The following HIVEP3 variants were observed in gnomAD, a reference collection of about 807,000 sequenced individuals.
The protein encoded by HIVEP3 is transcription factor HIVEP3.
In HIVEP3, 49 loss-of-function variants were observed where a neutral mutation model predicts 152.8. The observed-to-expected ratio is 0.32, with a 90% CI of 0.26 to 0.41. HIVEP3 has a LOEUF of 0.41. HIVEP3 is among the 10% of genes least tolerant of loss of function. The probability of loss-of-function intolerance (pLI) is 1.00; values close to 1 mark genes in which losing one functional copy is unlikely to be tolerated. For missense variants in HIVEP3, 2,790 were observed against 3,103.3 expected (o/e 0.90, Z 2.40); for synonymous variants, 1,269 against 1,289.0 (o/e 0.98, Z 0.33).
chr1:41,999,570 T>A (rs988666742), intron 1 of HIVEP3, among the ~76,000 whole-genome samples: 3 of 152,052 alleles, frequency 2.0e-5, no homozygotes, highest in Non-Finnish European at 2.9e-5. Flanking sequence ...CAATTGAGTA[T>A]AACACACTAC....
intron 5 of HIVEP3, among the ~76,000 whole-genome samples, chr1:41,540,820 A>C (rs1643511979): frequency 6.6e-6 from 1 of 152,162 alleles, no homozygotes; most frequent in Non-Finnish European, 1.5e-5. Context: ...TGAGCTCCCC[A>C]ACAGGTCTAG....
intron 3 of HIVEP3, among the ~76,000 whole-genome samples, chr1:41,588,956 A>G (rs1026971588): frequency 6.6e-6 from 1 of 152,190 alleles, no homozygotes; most frequent in Non-Finnish European, 1.5e-5. Context: ...GGGAACCTGC[A>G]GGACCTAAGG....
Position 41,612,391 on chromosome 1 carries a change from T to C in HIVEP3, c.-522+16358A>G, listed in dbSNP as rs556168019. Among the ~76,000 whole-genome samples the C allele has an allele frequency of 5.3e-5, 8 of 152,290 alleles. No homozygotes were observed. The South Asian group carries it at 1.7e-3, about 32-fold the overall frequency. The stretch of plus-strand genomic sequence containing the variant: ...CCCCTGTAGCCACTGTCTCATTTAA[T>C]TTCACCCAAGTTCCTCCTTGCAGAC... On this transcript the variant is annotated intron_variant, in intron 3 of 8. Transcript: ENST00000372583.
chr1:41,927,261 A>C (rs894139985), intron 1 of HIVEP3, among the ~76,000 whole-genome samples: 1 of 152,132 alleles, frequency 6.6e-6, no homozygotes, highest in Admixed American at 6.5e-5. Flanking sequence ...CTTGGGAGCC[A>C]CCCAATCCTG....
intron 1 of HIVEP3, among the ~76,000 whole-genome samples, chr1:41,751,258 T>C (rs1379118343): frequency 6.7e-6 from 1 of 150,264 alleles, no homozygotes; most frequent in Non-Finnish European, 1.5e-5. Context: ...CGTGATTAAC[T>C]GGCAGGCTTT....
intron 2 of HIVEP3, among the ~76,000 whole-genome samples, chr1:41,653,012 G>T (rs1645574742): frequency 7.2e-6 from 1 of 139,282 alleles, no homozygotes; most frequent in South Asian, 2.4e-4. Flanking sequence ...TTTTTCTTCT[G>T]AGGATAAAAG....
At chr1:41,537,209 A>G (rs929433029) in intron 5 of HIVEP3, among the ~76,000 whole-genome samples, 25 of 147,702 alleles carry the variant, frequency 1.7e-4, no homozygotes, top group African/African-American at 5.9e-4. Flanking sequence ...TTCTGCATTT[A>G]TATTATGACT....
chr1:41,817,409 G>A lies in HIVEP3; in HGVS notation c.-801+101004C>T, dbSNP rs543863945. On this transcript the variant is annotated intron_variant, in intron 1 of 8. Transcript: ENST00000372583. ...AAAAGGATGGGGCCGGATGGGGCAG[G>A]ACATGGCAGAAAACGGGGTGGAAGT... Among the ~76,000 whole-genome samples, 290 of 152,288 alleles carry A rather than the reference G, an allele frequency of 1.9e-3. 1 individual carries two copies. The highest frequency in any genetic ancestry group is 6.7e-3 in the African/African-American group (278 of 41,556).
intron 2 of HIVEP3, among the ~76,000 whole-genome samples, chr1:41,684,175 C>T (rs1429233899): frequency 2.0e-5 from 3 of 152,174 alleles, no homozygotes; most frequent in Non-Finnish European, 2.9e-5. Context: ...ACCCAGGTCT[C>T]CTCACTGTCT....
chr1:41,619,613 T>A (rs1645017898), intron 3 of HIVEP3, among the ~76,000 whole-genome samples: 1 of 152,078 alleles, frequency 6.6e-6, no homozygotes, highest in African/African-American at 2.4e-5. Flanking sequence ...TGGATGAGGA[T>A]GGTGATGGTG....
At chr1:41,620,225 C>T (rs969330934) in intron 3 of HIVEP3, among the ~76,000 whole-genome samples, 1 of 152,194 alleles carries the variant, frequency 6.6e-6, no homozygotes, top group Non-Finnish European at 1.5e-5. Flanking sequence ...AGTTTCCACT[C>T]GCTTTCCCAC....
chr1:41,696,314 G>A (rs1167755147), intron 2 of HIVEP3, among the ~76,000 whole-genome samples: 3 of 152,254 alleles, frequency 2.0e-5, no homozygotes, highest in Admixed American at 1.3e-4. Context: ...ACCTGCCCAC[G>A]GGGCGCAGCC....
rs531261702 is a variant in HIVEP3, at chr1:41,511,011, A to C, written c.6661T>G (p.Trp2221Gly). The change falls in exon 9 of 9, where the codon TGG becomes GGG. Residue 2221 changes from tryptophan (W) to glycine (G), a missense_variant. Transcript: ENST00000372583. The surrounding 1 kb of genome is among the most constrained non-coding windows in gnomAD (Gnocchi z 4.9). ...PTLLPGPTAA[W>G]VSGFSGGGSD... ...CCACCCCCGGAGAAGCCACTGACCCAGGCTGCGGTGGGCCCTGGCAGCAGG... is the reference window on the plus strand; with the variant it reads ...CCACCCCCGGAGAAGCCACTGACCCCGGCTGCGGTGGGCCCTGGCAGCAGG... 1.2e-6 allele frequency: 2 copies of C among 1,613,472 alleles called. No homozygotes were observed. Among genetic ancestry groups the C allele is most frequent in the South Asian group, 1.1e-5 (1 of 91,044 alleles).
At chr1:41,590,319 T>C (rs1009753858) in intron 3 of HIVEP3, among the ~76,000 whole-genome samples, 8 of 152,202 alleles carry the variant, frequency 5.3e-5, no homozygotes, top group African/African-American at 1.7e-4. Flanking sequence ...CTCTTTCTTG[T>C]AGTAATCAAA....
chr1:41,558,866 G>A (rs12740584), intron 5 of HIVEP3, among the ~76,000 whole-genome samples: 6,429 of 152,236 alleles, frequency 0.042, 166 homozygotes, highest in Middle Eastern at 0.1. Context: ...CCTGGCTGCC[G>A]TAGGCTCTTT....
chr1:41,829,763 C>CT (rs893949459), intron 1 of HIVEP3, among the ~76,000 whole-genome samples: 14 of 151,338 alleles, frequency 9.3e-5, no homozygotes, highest in Non-Finnish European at 1.0e-4. Context: ...ACTTGTTAGC[C>CT]TTTTTTAAAA....
rs563352257 is a variant in HIVEP3 at position 42,001,370 on chromosome 1, T to C, written n.119+34437A>G. Among the ~76,000 whole-genome samples, 6 of 152,346 alleles carry C rather than the reference T, an allele frequency of 3.9e-5. No homozygotes were observed. In the East Asian group the frequency reaches 1.2e-3, roughly 29 times the overall value. ...TCCAGGTTAAAGACTCATCACACTC[T>C]ACTGGCATGAAAATATCCTCTCCTT... On this transcript the variant is annotated intron_variant and non_coding_transcript_variant, in intron 1 of 3. Coordinates refer to the HIVEP3 transcript ENST00000489103.
At chr1:41,733,530 A>T (rs1371171183) in intron 1 of HIVEP3, among the ~76,000 whole-genome samples, 4 of 152,300 alleles carry the variant, frequency 2.6e-5, no homozygotes, top group Non-Finnish European at 1.5e-5. Context: ...CTCAAAGCTC[A>T]CCTGAGAGTT....
chr1:41,686,041 T>TTTTGTTTG (rs532673755), intron 2 of HIVEP3, among the ~76,000 whole-genome samples: 1 of 151,922 alleles, frequency 6.6e-6, no homozygotes, highest in Non-Finnish European at 1.5e-5. Flanking sequence ...ACTGTGGTTT[T>TTTTGTTTG]TTTGTTTGTT....
Sources: gnomAD v4.1 joint callset for allele counts (sites outside exome capture counted in the v4.1 genomes callset) on GRCh38, gnomAD v4.1.1 for gene constraint, Gnocchi (gnomAD v3.1) non-coding constraint, MANE v1.5 for transcripts, NCBI Gene and HGNC (gene_info 2026-07-23, HGNC 2026-07-21) for gene names.